Variants in SPATA17 observed in about 807,000 individuals in gnomAD.
The protein encoded by SPATA17 is spermatogenesis associated 17.
In SPATA17, 53 loss-of-function variants were observed where a neutral mutation model predicts 62.2. That is an observed-to-expected ratio of 0.85 (90% CI 0.68 to 1.07). SPATA17 has a LOEUF of 1.07. Ranked by LOEUF, SPATA17 falls within the 50% of genes least tolerant of loss-of-function variation. The pLI, the probability that SPATA17 is intolerant of heterozygous loss-of-function variation, is 0.00. For synonymous variants in SPATA17, 146 were observed against 146.8 expected, an observed-to-expected ratio of 0.99 and a Z score of 0.04; for missense variants, 466 against 425.5, an observed-to-expected ratio of 1.10 and a Z score of -0.84.
At chr1:217,636,445 G>A (rs1212424770) in intron 1 of SPATA17, among the ~76,000 whole-genome samples, 1 of 151,740 alleles carries the variant, frequency 6.6e-6, no homozygotes, top group African/African-American at 2.4e-5. Context: ...AGGGAGTCTC[G>A]CTCTGTTGCC....
At chr1:217,838,567 C>T (rs1675315325) in intron 9 of SPATA17, among the ~76,000 whole-genome samples, 1 of 151,702 alleles carries the variant, frequency 6.6e-6, no homozygotes, top group Non-Finnish European at 1.5e-5. Context: ...AATTAAGGCC[C>T]TGGTGACATT....
chr1:217,774,310 C>A (rs375597820), intron 6 of SPATA17, 24 bp from the exon 7 acceptor site: 7 of 1,584,946 alleles, frequency 4.4e-6, no homozygotes, highest in Non-Finnish European at 6.0e-6. Flanking sequence ...AAGAAAAAAT[C>A]AAAATTGCTT....
At chr1:217,831,169 GA>G (rs1675129802) in intron 9 of SPATA17, among the ~76,000 whole-genome samples, 1 of 152,216 alleles carries the variant, frequency 6.6e-6, no homozygotes, top group South Asian at 2.1e-4. Context: ...ATTCTAAAGA[GA>G]AAATTAGATG....
At chr1:217,781,985 T>C (rs1017820879) in intron 7 of SPATA17, 189 bp from the exon 8 acceptor site, 3 of 472,170 alleles carry the variant, frequency 6.4e-6, no homozygotes, top group Non-Finnish European at 1.0e-5. Flanking sequence ...TCAATTTTAC[T>C]TGAGAGAACA....
chr1:217,814,561 T>C (rs561330991), intron 9 of SPATA17, among the ~76,000 whole-genome samples: 5 of 152,072 alleles, frequency 3.3e-5, no homozygotes, highest in Non-Finnish European at 7.4e-5. Flanking sequence ...AGTTTCTAAG[T>C]CTCAGACCAG....
At chr1:217,678,918 C>T (rs12140199) in intron 4 of SPATA17, among the ~76,000 whole-genome samples, 1 of 148,854 alleles carries the variant, frequency 6.7e-6, no homozygotes, top group East Asian at 2.0e-4. Flanking sequence ...AATCATTTTT[C>T]TTTTTTTTTT....
intron 5 of SPATA17, among the ~76,000 whole-genome samples, chr1:217,710,979 T>C (rs1558575488): frequency 1.3e-5 from 2 of 152,360 alleles, no homozygotes; most frequent in South Asian, 2.1e-4. Context: ...TGTTGTAGTA[T>C]ATGTATATCA....
chr1:217,714,488 C>CTTTT (rs750665329), intron 5 of SPATA17, among the ~76,000 whole-genome samples: 15 of 121,430 alleles, frequency 1.2e-4, no homozygotes, highest in Admixed American at 9.0e-4. Flanking sequence ...AAACGTGTTT[C>CTTTT]TTTTTTTTTT....
At chr1:217,843,669 A>T (rs1282226830) in intron 9 of SPATA17, among the ~76,000 whole-genome samples, 15 of 151,872 alleles carry the variant, frequency 9.9e-5, no homozygotes. Context: ...CTACGGGTTT[A>T]TGTTACCACT....
intron 10 of SPATA17, among the ~76,000 whole-genome samples, chr1:217,864,380 T>C (rs556529193): frequency 3.9e-5 from 6 of 152,320 alleles, no homozygotes; most frequent in East Asian, 1.9e-4. Flanking sequence ...TAAAATGTTA[T>C]AAGTCTTTAC....
chr1:217,730,991 T>C (rs1362335157), intron 5 of SPATA17, among the ~76,000 whole-genome samples: 1 of 152,182 alleles, frequency 6.6e-6, no homozygotes, highest in African/African-American at 2.4e-5. Flanking sequence ...AATACTGTCC[T>C]GTGGACTATT....
chr1:217,748,767 T>C (rs552971656), intron 6 of SPATA17, among the ~76,000 whole-genome samples: 1 of 151,884 alleles, frequency 6.6e-6, no homozygotes, highest in East Asian at 1.9e-4. Flanking sequence ...AAAAAAACTT[T>C]AATTCTTCCA....
At chr1:217,706,343 G>A (rs1242278756) in intron 5 of SPATA17, among the ~76,000 whole-genome samples, 4 of 152,092 alleles carry the variant, frequency 2.6e-5, no homozygotes. Context: ...GGTATGGTTT[G>A]GCTCTGTGTC....
chr1:217,769,285 A>G (rs1673380929), intron 6 of SPATA17, among the ~76,000 whole-genome samples: 2 of 152,252 alleles, frequency 1.3e-5, no homozygotes, highest in Non-Finnish European at 2.9e-5. Flanking sequence ...AAGATGGTAT[A>G]GCACTATAGT....
intron 5 of SPATA17, among the ~76,000 whole-genome samples, chr1:217,714,953 G>T (rs2102929563): frequency 6.6e-6 from 1 of 152,044 alleles, no homozygotes; most frequent in South Asian, 2.1e-4. Context: ...AGCTTAATAT[G>T]GTAATAAGTA....
chr1:217,631,973 A>G (rs750361498), intron 1 of SPATA17, among the ~76,000 whole-genome samples: 2 of 152,156 alleles, frequency 1.3e-5, no homozygotes, highest in Admixed American at 6.5e-5. Flanking sequence ...ACCTGAGGCC[A>G]GGAGTTCTAG....
intron 5 of SPATA17, among the ~76,000 whole-genome samples, chr1:217,686,665 A>G (rs183916085): frequency 6.6e-6 from 1 of 152,360 alleles, no homozygotes; most frequent in East Asian, 1.9e-4. Context: ...TGTAAAAGAA[A>G]CTAAATAAAA....
intron 5 of SPATA17, among the ~76,000 whole-genome samples, chr1:217,707,421 T>G (rs576321468): frequency 6.6e-6 from 1 of 152,336 alleles, no homozygotes; most frequent in Non-Finnish European, 1.5e-5. Context: ...TTTCATTTCT[T>G]TCTTTTGCCT....
chr1:217,832,016 C>A (rs1007684476), intron 9 of SPATA17, among the ~76,000 whole-genome samples: 1 of 152,148 alleles, frequency 6.6e-6, no homozygotes, highest in East Asian at 1.9e-4. Flanking sequence ...CTGTTTGAAT[C>A]TGAAGCTTCA....
Sources: allele counts gnomAD v4.1 joint callset (sites outside exome capture counted in the v4.1 genomes callset), GRCh38; gene constraint gnomAD v4.1.1; transcripts MANE v1.5; gene names NCBI Gene and HGNC (gene_info 2026-07-23, HGNC 2026-07-21).